ITPRID1: variants seen among roughly 807,000 people sequenced by gnomAD.
The protein encoded by ITPRID1 is ITPR interacting domain containing 1, also known as protein ITPRID1.
ITPRID1 carries 96 observed loss-of-function variants against 95.4 expected under a neutral mutation model. That is an observed-to-expected ratio of 1.01 (90% CI 0.85 to 1.19). The LOEUF (loss-of-function observed/expected upper bound fraction) is 1.19. Ranked by LOEUF, ITPRID1 falls within the 50% of genes most tolerant of loss-of-function variation. ITPRID1 has a pLI of 0.00. For missense variants in ITPRID1, 1,339 were observed against 1,252.9 expected (o/e 1.07, Z -1.04); for synonymous variants, 510 against 453.6 (o/e 1.12, Z -1.58).
At chr7:31,640,736 A>G (rs1401596484) in intron 10 of ITPRID1, among the ~76,000 whole-genome samples, 1 of 152,160 alleles carries the variant, frequency 6.6e-6, no homozygotes, top group Admixed American at 6.5e-5. Flanking sequence ...TTCCAGAAGC[A>G]GAAGTCTCAT....
At position 31,553,101 on chromosome 7, in the gene ITPRID1, G is replaced by A. The variant is rs1337095618; in HGVS notation, c.77G>A (p.Cys26Tyr). Residue 26 changes from cysteine to tyrosine, a missense_variant, in exon 3 of 15, where the codon TGC becomes TAC. Coordinates refer to ENST00000615280, the MANE Select transcript of ITPRID1 (RefSeq NM_001257967.3). ...AAGAGCAAGAGAGAGATCCTGAAGT[G>A]CACCAAAAGCGCGTGGGCTCCGCTG... ...QEKSKREILK[C>Y]TKSAWAPLDE... is the part of the protein sequence containing the mutation. 4 of 1,604,398 alleles carry A rather than the reference G, an allele frequency of 2.5e-6. No individual in the cohort carries two copies. The highest frequency in any genetic ancestry group is 1.7e-5 in the Admixed American group (1 of 58,870).
At chr7:31,640,161 T>C (rs1022181876) in intron 10 of ITPRID1, among the ~76,000 whole-genome samples, 2 of 152,214 alleles carry the variant, frequency 1.3e-5, no homozygotes, top group Non-Finnish European at 2.9e-5. Flanking sequence ...TAATTATTTC[T>C]TACTCCTGAA....
chr7:31,594,033 A>T (rs1048349567), intron 10 of ITPRID1, among the ~76,000 whole-genome samples: 1 of 152,210 alleles, frequency 6.6e-6, no homozygotes, highest in Non-Finnish European at 1.5e-5. Context: ...TGCTTTGGTT[A>T]ATGACAGACC....
chr7:31,538,511 G>T (rs1429361348), intron 1 of ITPRID1, among the ~76,000 whole-genome samples: 1 of 151,712 alleles, frequency 6.6e-6, no homozygotes, highest in East Asian at 1.9e-4. Flanking sequence ...TATGGCCCAG[G>T]GTCTAATCTA....
chr7:31,641,279 G>A (rs900246736), intron 10 of ITPRID1, among the ~76,000 whole-genome samples: 1 of 152,124 alleles, frequency 6.6e-6, no homozygotes, highest in Non-Finnish European at 1.5e-5. Flanking sequence ...AAATACTCAA[G>A]CATTGTATCT....
intron 1 of ITPRID1, among the ~76,000 whole-genome samples, chr7:31,519,660 C>T (rs1783180293): frequency 1.0e-5 from 1 of 95,816 alleles, no homozygotes; most frequent in African/African-American, 3.9e-5. Context: ...CTTATGTTAT[C>T]CTGCTGGTAT....
chr7:31,631,953 C>A (rs1044399796), intron 10 of ITPRID1, among the ~76,000 whole-genome samples: 21 of 152,120 alleles, frequency 1.4e-4, no homozygotes, highest in African/African-American at 5.1e-4. Context: ...TGACGCCGGC[C>A]GACCAGTGTC....
intron 10 of ITPRID1, among the ~76,000 whole-genome samples, chr7:31,625,387 G>C (rs1397425441): frequency 6.6e-6 from 1 of 151,904 alleles, no homozygotes; most frequent in Non-Finnish European, 1.5e-5. Flanking sequence ...GTCCAACAAT[G>C]ATAGACTGGA....
intron 10 of ITPRID1, among the ~76,000 whole-genome samples, chr7:31,600,018 A>T (rs1399975291): frequency 2.6e-5 from 4 of 152,024 alleles, no homozygotes; most frequent in African/African-American, 9.7e-5. Context: ...TATATTTTCT[A>T]TGTGTTTGAA....
intron 1 of ITPRID1, among the ~76,000 whole-genome samples, chr7:31,537,018 C>T (rs1262010019): frequency 2.6e-5 from 4 of 151,960 alleles, no homozygotes; most frequent in African/African-American, 7.3e-5. Context: ...GTGAAAATTT[C>T]ACTTAGCTAT....
chr7:31,595,723 A>G (rs1786060041), intron 10 of ITPRID1, among the ~76,000 whole-genome samples: 1 of 152,162 alleles, frequency 6.6e-6, no homozygotes, highest in African/African-American at 2.4e-5. Context: ...TAAAATAAAC[A>G]TAATTAGAAG....
At chr7:31,650,707 C>G (rs1790869494) in intron 12 of ITPRID1, among the ~76,000 whole-genome samples, 1 of 152,188 alleles carries the variant, frequency 6.6e-6, no homozygotes, top group Non-Finnish European at 1.5e-5. Context: ...TAATCAAACA[C>G]ATACCAGCTG....
chr7:31,533,778 A>G (rs1475800602), intron 1 of ITPRID1, among the ~76,000 whole-genome samples: 1 of 152,166 alleles, frequency 6.6e-6, no homozygotes, highest in Non-Finnish European at 1.5e-5. Context: ...TTTTAGGTAC[A>G]TTAAGTGTTC....
intron 8 of ITPRID1, among the ~76,000 whole-genome samples, chr7:31,576,873 T>G (rs990900285): frequency 1.3e-5 from 2 of 152,184 alleles, no homozygotes; most frequent in Non-Finnish European, 2.9e-5. Context: ...AATATTCCAT[T>G]TTTGTTACAA....
At chr7:31,591,943 G>A (rs996549) in intron 10 of ITPRID1, among the ~76,000 whole-genome samples, 148,474 of 152,298 alleles carry the variant, frequency 0.97, 72,392 homozygotes, top group East Asian at 0.99. Context: ...ATATGGTGGG[G>A]TGAGATTTAA....
Position 31,642,876 on chromosome 7 carries a change from G to A in ITPRID1, c.1506G>A (p.Met502Ile). 2 of 1,614,028 alleles carry A rather than the reference G, an allele frequency of 1.2e-6. No homozygotes were observed. Among genetic ancestry groups the A allele is most frequent in the Non-Finnish European group, 1.7e-6 (2 of 1,179,896 alleles). Residue 502 changes from methionine to isoleucine, a missense_variant, in exon 12 of 15, where the codon ATG becomes ATA. Met to Ile is a conservative substitution (Grantham distance 10). Transcript: ENST00000615280. ...ALEQRASVSV[M>I]EEEFLLEAME... ...AACAAAGGGCCTCAGTATCTGTGAT[G>A]GAGGAAGAGTTTCTGCTTGAGGCCA... is the stretch of plus-strand genomic sequence containing the variant.
intron 1 of ITPRID1, among the ~76,000 whole-genome samples, chr7:31,542,662 T>C (rs961330123): frequency 6.6e-6 from 1 of 152,212 alleles, no homozygotes; most frequent in Admixed American, 6.5e-5. Context: ...TAAACCAATA[T>C]TAACGTTTCA....
In ITPRID1 at chr7:31,654,982, C is replaced by T. The variant is rs761322392; in HGVS notation, c.*2153C>T. Among the ~76,000 whole-genome samples, 12 of 152,094 alleles carry T rather than the reference C, an allele frequency of 7.9e-5. No homozygotes were observed. The highest frequency in any genetic ancestry group is 1.6e-4 in the Non-Finnish European group (11 of 68,012). On this transcript the variant is annotated 3_prime_UTR_variant, in exon 15 of 15. Transcript: ENST00000615280. Reference sequence around the variant, plus strand: ...TCCCATGGACTTAACATTCTCAGAGCGTGGACATCCCCATTCTGTCCTGAA... The same window carrying T: ...TCCCATGGACTTAACATTCTCAGAGTGTGGACATCCCCATTCTGTCCTGAA...
intron 10 of ITPRID1, among the ~76,000 whole-genome samples, chr7:31,625,637 G>A (rs939847697): frequency 1.1e-4 from 16 of 152,176 alleles, no homozygotes; most frequent in Admixed American, 2.6e-4. Context: ...TGGGAGGAGG[G>A]GGGAGGGATA....
Sources: gnomAD v4.1 joint callset for allele counts (sites outside exome capture counted in the v4.1 genomes callset) on GRCh38, gnomAD v4.1.1 for gene constraint, MANE v1.5 for transcripts, NCBI Gene and HGNC (gene_info 2026-07-23, HGNC 2026-07-21) for gene names.